Variants in PEX1 observed in about 807,000 individuals in gnomAD.
PEX1 encodes peroxisomal biogenesis factor 1, also known as peroxisomal ATPase PEX1.
In PEX1, 97 loss-of-function variants were observed where a neutral mutation model predicts 152.5. The ratio of observed to expected loss-of-function variants is 0.64; its 90% CI spans 0.54 to 0.75. The LOEUF (loss-of-function observed/expected upper bound fraction) is 0.75, where lower values mean the gene tolerates loss of function less well. Among genes scored for constraint, PEX1 ranks in the 30% least tolerant of loss-of-function variants. The pLI is 0.00. For synonymous variants in PEX1, 485 were observed against 531.6 expected (o/e 0.91, Z 1.21); for missense variants, 1,357 against 1,516.3 (o/e 0.89, Z 1.74).
At chr7:92,512,661 G>C (rs1259496895) in intron 6 of PEX1, among the ~76,000 whole-genome samples, 1 of 147,796 alleles carries the variant, frequency 6.8e-6, no homozygotes, top group Non-Finnish European at 1.5e-5. Flanking sequence ...CGATAATTTT[G>C]GTATTTTTAG....
Position 92,496,786 on chromosome 7 carries a change from TA to T in PEX1, c.2719-10del, listed in dbSNP as rs1400827862. 1 of 1,570,810 alleles carries T rather than the reference TA, an allele frequency of 6.4e-7. No individual in the cohort carries two copies. Among genetic ancestry groups the T allele is most frequent in the Admixed American group, 1.7e-5 (1 of 59,944 alleles). On this transcript the variant is annotated splice_polypyrimidine_tract_variant and intron_variant, in intron 16 of 23. Transcript: ENST00000248633. ...CTGAGTAACTCTGGCCCCTATTGGG[TA>T]AAATAAGAGTTGAGATAAAATTATT...
chr7:92,487,509 T>C lies in PEX1; in HGVS notation c.3800A>G (p.Lys1267Arg). 1 of 1,592,802 alleles carries C rather than the reference T, an allele frequency of 6.3e-7. No homozygotes were observed. The highest frequency in any genetic ancestry group is 1.7e-4 in the Middle Eastern group (1 of 6,012). ...TCGAAACATTGTTCCACTTTGATTTTTTCTCCTCTTTGGATTTTGAAAGCT... is the reference window on the plus strand; with the variant it reads ...TCGAAACATTGTTCCACTTTGATTTCTTCTCCTCTTTGGATTTTGAAAGCT... ...YESFQNPKRR[K>R]NQSGTMFRPG... The change falls in exon 24 of 24, where the codon AAA becomes AGA. Residue 1267 changes from lysine to arginine, a missense_variant. Coordinates refer to ENST00000248633, the MANE Select transcript of PEX1 (RefSeq NM_000466.3).
chr7:92,507,149 C>A, intron 9 of PEX1, 23 bp from the exon 10 acceptor site: 2 of 1,609,202 alleles, frequency 1.2e-6, no homozygotes, highest in Non-Finnish European at 8.5e-7. Flanking sequence ...TACATAGTTA[C>A]ATGATAAAAG....
chr7:92,492,889 A>G (rs1791416615), intron 20 of PEX1, 64 bp downstream of exon 20: 5 of 1,286,604 alleles, frequency 3.9e-6, no homozygotes, highest in Non-Finnish European at 5.7e-6. Flanking sequence ...TAAGGTGGAA[A>G]TTTTGACATT....
Position 92,519,089 on chromosome 7 carries a change from T to A in PEX1, c.274-11A>T, listed in dbSNP as rs1314802855. On this transcript the variant is annotated splice_polypyrimidine_tract_variant and intron_variant, in intron 2 of 23. Coordinates refer to ENST00000248633, the MANE Select transcript of PEX1 (RefSeq NM_000466.3). ...TGGCTTGAGAAATACCTAGAAAAAA[T>A]TAAAAATTTAAAACTACTTTAAAAA... 2 of 1,477,138 alleles carry A rather than the reference T, an allele frequency of 1.4e-6. No homozygotes were observed. Among genetic ancestry groups the A allele is most frequent in the Non-Finnish European group, 1.9e-6 (2 of 1,057,788 alleles). The allele number at this position is 1,477,138 out of a possible 1,614,324, so 91.5% of individuals were successfully genotyped here. A position where few individuals can be genotyped will look rare whatever the true frequency, so the allele number is the denominator to read the frequency against.
chr7:92,498,930 G>T (rs1791789288), intron 16 of PEX1, among the ~76,000 whole-genome samples: 1 of 152,174 alleles, frequency 6.6e-6, no homozygotes, highest in Non-Finnish European at 1.5e-5. Context: ...TGTTCACAAT[G>T]CATGAAGATT....
At chr7:92,525,440 A>G (rs1793222548) in intron 1 of PEX1, among the ~76,000 whole-genome samples, 1 of 152,230 alleles carries the variant, frequency 6.6e-6, no homozygotes, top group African/African-American at 2.4e-5. Context: ...TTCACTGTGT[A>G]TATGAATCCT....
chr7:92,510,880 T>C, intron 8 of PEX1, 64 bp downstream of exon 8: 1 of 893,536 alleles, frequency 1.1e-6, no homozygotes, highest in Non-Finnish European at 1.8e-6. Context: ...AGGAACTTCA[T>C]ACTTTATTAT....
At chr7:92,522,064 G>A in intron 2 of PEX1, 38 bp downstream of exon 2, 2 of 1,596,918 alleles carry the variant, frequency 1.3e-6, no homozygotes, top group Non-Finnish European at 1.7e-6. Context: ...TATATTATGT[G>A]ATATTAGAAG....
At chr7:92,502,496 A>G (rs1474738917) in intron 13 of PEX1, among the ~76,000 whole-genome samples, 1 of 152,192 alleles carries the variant, frequency 6.6e-6, no homozygotes, top group Non-Finnish European at 1.5e-5. Context: ...TTCTCAAAAC[A>G]TATTCATATT....
Position 92,517,306 on chromosome 7 carries a change from AT to A in PEX1, c.1208del (p.Asn403MetfsTer2), listed in dbSNP as rs1376037318. The A allele has an allele frequency of 1.9e-6, 3 of 1,613,872 alleles. No homozygotes were observed. Among genetic ancestry groups the A allele is most frequent in the Non-Finnish European group, 2.5e-6 (3 of 1,179,868 alleles). ...CTTTCCCAAGATGGAGAACTTCTAC[AT>A]TTTTGGTATATTTGATGGCATTGTT... The part of the protein sequence containing the change: ...ELNNAIKYTK[N>X]VEVLHLGKVW... On this transcript the variant is annotated frameshift_variant, in exon 5 of 24. Transcript: ENST00000248633. LOFTEE classifies it high-confidence loss of function.
At chr7:92,495,871 TAC>T (rs1391259891) in intron 17 of PEX1, among the ~76,000 whole-genome samples, 3 of 152,138 alleles carry the variant, frequency 2.0e-5, no homozygotes, top group Non-Finnish European at 2.9e-5. Context: ...ATGAGATAGA[TAC>T]ATAAGTGGTT....
chr7:92,491,984 A>C lies in PEX1; in HGVS notation c.3208-482T>G, dbSNP rs143584442. Among the ~76,000 whole-genome samples the C allele has an allele frequency of 7.9e-3, 1,210 of 152,284 alleles. 20 individuals are homozygous for C. Among genetic ancestry groups the C allele is most frequent in the African/African-American group, 0.028 (1,150 of 41,564 alleles). The stretch of plus-strand genomic sequence containing the variant: ...TAGGTTCTGTAGACATTCCAAACAA[A>C]TGTGGTAAAGAAGAGTAATAGAATA... On this transcript the variant is annotated intron_variant, in intron 20 of 23. Transcript: ENST00000248633.
At chr7:92,515,470 A>G (rs1285525107) in intron 5 of PEX1, among the ~76,000 whole-genome samples, 2 of 152,168 alleles carry the variant, frequency 1.3e-5, no homozygotes. Context: ...CTCATTGTCC[A>G]TGGCTCTTCA....
Position 92,489,326 on chromosome 7 carries a change from A to C in PEX1, c.3734T>G (p.Ile1245Ser). The C allele has an allele frequency of 6.2e-7, 1 of 1,613,548 alleles. No individual in the cohort carries two copies. Among genetic ancestry groups the C allele is most frequent in the Non-Finnish European group, 8.5e-7 (1 of 1,179,612 alleles). Residue 1245 changes from isoleucine to serine, a missense_variant, in exon 23 of 24, where the codon ATT (isoleucine) becomes AGT (serine). Transcript: ENST00000248633. ...AAAATTCTTCCAGTCATCTTCACTA[A>C]TGGATGGTCTTGTGTGACCAAGTGC... ...MTALGHTRPS[I>S]SEDDWKNFAE...
intron 9 of PEX1, chr7:92,507,868 C>G (rs1792277281): frequency 6.6e-6 from 1 of 152,150 alleles, no homozygotes; most frequent in Non-Finnish European, 1.5e-5. Context: ...GTCTCAAACT[C>G]CTGACCTCAA....
chr7:92,508,653 C>G (rs1047866371), intron 9 of PEX1, among the ~76,000 whole-genome samples: 3 of 152,074 alleles, frequency 2.0e-5, no homozygotes, highest in Admixed American at 2.0e-4. Context: ...TCTAAGAAAT[C>G]AAATCCCTAC....
Position 92,491,414 on chromosome 7 carries a change from T to C in PEX1, c.3296A>G (p.Asp1099Gly). The C allele has an allele frequency of 6.2e-7, 1 of 1,613,714 alleles. No homozygotes were observed. Among genetic ancestry groups the C allele is most frequent in the South Asian group, 1.1e-5 (1 of 91,080 alleles). Residue 1099 changes from aspartate (D) to glycine (G), a missense_variant, in exon 21 of 24, where the codon GAT becomes GGT. By Grantham distance (94) the Asp-to-Gly change is moderately conservative. Coordinates refer to ENST00000248633, the MANE Select transcript of PEX1 (RefSeq NM_000466.3). ...HSSGSDDSAG[D>G]GECGLDQSLV... Reference sequence around the variant, plus strand: ...GGACTGATCTAAGCCACATTCTCCATCTCCAGCTGAATCGTCAGAGCCACT... The same window carrying C: ...GGACTGATCTAAGCCACATTCTCCACCTCCAGCTGAATCGTCAGAGCCACT...
intron 19 of PEX1, 31 bp downstream of exon 19, chr7:92,494,262 G>A: frequency 6.8e-7 from 1 of 1,470,558 alleles, no homozygotes. Context: ...AGCATTTGTT[G>A]GGTTTTGGAC....
Sources: allele counts gnomAD v4.1 joint callset (sites outside exome capture counted in the v4.1 genomes callset), GRCh38; gene constraint gnomAD v4.1.1; transcripts MANE v1.5; gene names NCBI Gene and HGNC (gene_info 2026-07-23, HGNC 2026-07-21).